Variants in CHST11 observed in about 807,000 individuals in gnomAD.
CHST11 encodes the protein carbohydrate sulfotransferase 11.
A neutral mutation model predicts 30.4 loss-of-function variants in CHST11; 9 were observed. The observed-to-expected ratio is 0.30, with a 90% CI of 0.18 to 0.52. The LOEUF is 0.52. Ranked by LOEUF, CHST11 falls within the 20% of genes least tolerant of loss-of-function variation. CHST11 has a pLI of 0.97. For missense variants in CHST11, 348 were observed against 460.6 expected (o/e 0.76, Z 2.24); for synonymous variants, 152 against 187.8 (o/e 0.81, Z 1.56).
At chr12:104,731,432 T>C (rs951304749) in intron 2 of CHST11, among the ~76,000 whole-genome samples, 4 of 152,204 alleles carry the variant, frequency 2.6e-5, no homozygotes, top group Admixed American at 2.6e-4. Context: ...AAGTCCTGCT[T>C]GGGCTGGAAG....
chr12:104,685,633 T>A (rs1227606500), intron 2 of CHST11, among the ~76,000 whole-genome samples: 1 of 152,232 alleles, frequency 6.6e-6, no homozygotes, highest in Non-Finnish European at 1.5e-5. Flanking sequence ...GAGGATTATA[T>A]GTTTAATGTA....
At chr12:104,588,171 A>G (rs2038823908) in intron 1 of CHST11, among the ~76,000 whole-genome samples, 1 of 151,968 alleles carries the variant, frequency 6.6e-6, no homozygotes, top group Admixed American at 6.6e-5. Context: ...ATAGAGCCGT[A>G]CAGCATCCCC....
At chr12:104,613,284 TAG>T (rs1001769424) in intron 2 of CHST11, among the ~76,000 whole-genome samples, 2 of 151,806 alleles carry the variant, frequency 1.3e-5, no homozygotes, top group East Asian at 3.9e-4. Flanking sequence ...GATAGATAGA[TAG>T]ATAGATATAG....
Position 104,645,742 on chromosome 12 carries a change from A to T in CHST11, c.204+43751A>T, listed in dbSNP as rs375691518. 5.3e-5 allele frequency among the ~76,000 whole-genome samples: 8 copies of T among 152,088 alleles called. No individual in the cohort carries two copies. In the South Asian group the frequency reaches 8.3e-4, roughly 16 times the overall value. ...TTAGAGCTTTATTAAAAGGAAATTA[A>T]ACTAGGAAATGAAAGGATAAACAAA... On this transcript the variant is annotated intron_variant, in intron 2 of 2. Coordinates refer to ENST00000303694, the MANE Select transcript of CHST11 (RefSeq NM_018413.6).
chr12:104,661,607 G>A (rs975027478), intron 2 of CHST11, among the ~76,000 whole-genome samples: 6 of 152,168 alleles, frequency 3.9e-5, no homozygotes, highest in African/African-American at 1.4e-4. Context: ...GCAGCAAACA[G>A]CGCTTAGCAT....
chr12:104,481,092 A>C (rs1162957774), intron 1 of CHST11, among the ~76,000 whole-genome samples: 1 of 152,198 alleles, frequency 6.6e-6, no homozygotes, highest in Non-Finnish European at 1.5e-5. Flanking sequence ...TGAAATGGGA[A>C]GAGAGCTGCC....
intron 1 of CHST11, among the ~76,000 whole-genome samples, chr12:104,492,760 G>T (rs1244806119): frequency 6.6e-6 from 1 of 152,220 alleles, no homozygotes; most frequent in African/African-American, 2.4e-5. Context: ...GTGTCCGGGT[G>T]CGGTGGCTCA....
intron 1 of CHST11, among the ~76,000 whole-genome samples, chr12:104,556,970 G>A (rs1308227994): frequency 7.1e-6 from 1 of 140,796 alleles, no homozygotes; most frequent in Non-Finnish European, 1.5e-5. Context: ...AACAGAGCAA[G>A]ACTCTGTCTC....
chr12:104,469,816 T>C (rs373661287), intron 1 of CHST11, among the ~76,000 whole-genome samples: 6 of 152,212 alleles, frequency 3.9e-5, no homozygotes, highest in African/African-American at 1.4e-4. Flanking sequence ...TTCTTCAACC[T>C]GAGGCCAGGC....
intron 2 of CHST11, among the ~76,000 whole-genome samples, chr12:104,673,025 A>G (rs907624919): frequency 6.6e-6 from 1 of 152,184 alleles, no homozygotes; most frequent in African/African-American, 2.4e-5. Context: ...CTCCCTCTGG[A>G]GACTCTAAGG....
intron 1 of CHST11, among the ~76,000 whole-genome samples, chr12:104,563,978 T>C (rs1427726227): frequency 1.3e-5 from 2 of 152,084 alleles, no homozygotes; most frequent in African/African-American, 4.8e-5. Flanking sequence ...ACTACTAAGG[T>C]GTGGCTGGAA....
intron 1 of CHST11, among the ~76,000 whole-genome samples, chr12:104,482,026 T>A (rs1159209122): frequency 7.2e-5 from 11 of 151,774 alleles, no homozygotes; most frequent in Non-Finnish European, 7.4e-5. Context: ...ATATATATAT[T>A]TTTTAGTAGA....
At chr12:104,659,954 C>G (rs1002428399) in intron 2 of CHST11, among the ~76,000 whole-genome samples, 9 of 152,144 alleles carry the variant, frequency 5.9e-5, no homozygotes, top group Non-Finnish European at 1.2e-4. Context: ...CGCACTCCAG[C>G]CTGGGCAACA....
intron 1 of CHST11, among the ~76,000 whole-genome samples, chr12:104,493,278 G>T (rs2037767184): frequency 6.6e-6 from 1 of 152,226 alleles, no homozygotes; most frequent in South Asian, 2.1e-4. Context: ...CTTGGAGCTG[G>T]TATCCAGTAA....
At chr12:104,570,970 C>T (rs1044387992) in intron 1 of CHST11, among the ~76,000 whole-genome samples, 7 of 151,614 alleles carry the variant, frequency 4.6e-5, no homozygotes, top group Non-Finnish European at 8.8e-5. Flanking sequence ...GAATTACAGG[C>T]GTGAGCCACC....
At chr12:104,497,201 T>C (rs577915238) in intron 1 of CHST11, among the ~76,000 whole-genome samples, 1 of 152,350 alleles carries the variant, frequency 6.6e-6, no homozygotes, top group South Asian at 2.1e-4. Context: ...AAAATGTCAC[T>C]ACATGTGGAT....
chr12:104,524,936 A>G (rs2135990590), intron 1 of CHST11, among the ~76,000 whole-genome samples: 1 of 152,296 alleles, frequency 6.6e-6, no homozygotes, highest in East Asian at 1.9e-4. Flanking sequence ...ATTTGTTTTT[A>G]TAAACTCAAG....
chr12:104,529,241 G>A (rs191962166), intron 1 of CHST11, among the ~76,000 whole-genome samples: 13 of 152,266 alleles, frequency 8.5e-5, no homozygotes, highest in African/African-American at 2.4e-4. Flanking sequence ...CATTTCTGGG[G>A]GTTATTAGAT....
intron 2 of CHST11, among the ~76,000 whole-genome samples, chr12:104,628,931 C>T (rs987080946): frequency 6.6e-6 from 1 of 152,214 alleles, no homozygotes; most frequent in African/African-American, 2.4e-5. Flanking sequence ...TGCCTCTGTG[C>T]TGGCTTTGTG....
Sources: allele counts gnomAD v4.1 joint callset (sites outside exome capture counted in the v4.1 genomes callset), GRCh38; gene constraint gnomAD v4.1.1; transcripts MANE v1.5; gene names NCBI Gene and HGNC (gene_info 2026-07-23, HGNC 2026-07-21).